GNB4: variants seen among roughly 807,000 people sequenced by gnomAD.
GNB4 encodes G protein subunit beta 4.
In GNB4, 28 loss-of-function variants were observed where a neutral mutation model predicts 45.2. The ratio of observed to expected loss-of-function variants is 0.62; its 90% CI spans 0.46 to 0.85. GNB4 has a LOEUF of 0.85. Among genes scored for constraint, GNB4 ranks in the 40% least tolerant of loss-of-function variants. GNB4 has a pLI of 0.00. For synonymous variants in GNB4, 132 were observed against 143.7 expected, an observed-to-expected ratio of 0.92 and a Z score of 0.58; for missense variants, 321 against 425.4, an observed-to-expected ratio of 0.75 and a Z score of 2.16.
At chr3:179,496,461 C>G in the GNB4 span, among the ~76,000 whole-genome samples, 1 of 151,972 alleles carries the variant, frequency 6.6e-6, no homozygotes, top group East Asian at 1.9e-4. Flanking sequence ...CAGAAGACAA[C>G]AAACAAGACG....
chr3:179,447,392 T>C (rs1715761843), intron 1 of GNB4, among the ~76,000 whole-genome samples: 1 of 149,864 alleles, frequency 6.7e-6, no homozygotes, highest in Non-Finnish European at 1.5e-5. Context: ...AGATGGGGTC[T>C]CACTCTATTG....
At chr3:179,486,561 A>G in the GNB4 span, among the ~76,000 whole-genome samples, 1 of 152,200 alleles carries the variant, frequency 6.6e-6, no homozygotes, top group Non-Finnish European at 1.5e-5. Flanking sequence ...CATCTCTTAT[A>G]GTAAACCAAT....
At chr3:179,446,788 T>C (rs1715743748) in intron 1 of GNB4, among the ~76,000 whole-genome samples, 1 of 152,228 alleles carries the variant, frequency 6.6e-6, no homozygotes, top group African/African-American at 2.4e-5. Context: ...ACACCTTACG[T>C]AGCACTAACG....
At chr3:179,418,240 C>T (rs1013871303) in intron 4 of GNB4, among the ~76,000 whole-genome samples, 4 of 152,040 alleles carry the variant, frequency 2.6e-5, no homozygotes, top group Admixed American at 6.6e-5. Flanking sequence ...GAGGCTGAGG[C>T]GGTTGGATCA....
At chr3:179,477,730 A>G in the GNB4 span, among the ~76,000 whole-genome samples, 1 of 152,204 alleles carries the variant, frequency 6.6e-6, no homozygotes, top group Non-Finnish European at 1.5e-5. Flanking sequence ...AAAAAATGAA[A>G]AAAAAGATTT....
chr3:179,482,421 C>T, the GNB4 span, among the ~76,000 whole-genome samples: 1 of 152,148 alleles, frequency 6.6e-6, no homozygotes, highest in Non-Finnish European at 1.5e-5. Context: ...TTATTATTTT[C>T]ATCTGTGAAC....
upstream of GNB4, among the ~76,000 whole-genome samples, chr3:179,452,124 C>T (rs1269799325): frequency 6.6e-6 from 1 of 152,118 alleles, no homozygotes; most frequent in African/African-American, 2.4e-5. Flanking sequence ...AGTTATTGTT[C>T]CTATTGTCAT....
the GNB4 span, among the ~76,000 whole-genome samples, chr3:179,475,814 A>G: frequency 6.6e-6 from 1 of 152,164 alleles, no homozygotes; most frequent in East Asian, 1.9e-4. Flanking sequence ...GATAATGAAC[A>G]CACTCCTGCA....
chr3:179,464,874 C>G, the GNB4 span: 5 of 1,403,092 alleles, frequency 3.6e-6, no homozygotes, highest in South Asian at 1.2e-5. Flanking sequence ...CCGGCTACCC[C>G]ATGCGGTGTG....
chr3:179,408,530 C>A (rs1457506915), intron 8 of GNB4, among the ~76,000 whole-genome samples: 1 of 152,100 alleles, frequency 6.6e-6, no homozygotes, highest in African/African-American at 2.4e-5. Flanking sequence ...GTGGCTCACG[C>A]CTTTAATCCC....
intron 8 of GNB4, chr3:179,405,911 T>G (rs1367958501): frequency 6.6e-6 from 1 of 152,228 alleles, no homozygotes; most frequent in Non-Finnish European, 1.5e-5. Context: ...TACTCTCAAG[T>G]CAACATTATT....
the GNB4 span, among the ~76,000 whole-genome samples, chr3:179,484,836 ATGTGTGTGTG>A: frequency 6.8e-6 from 1 of 146,994 alleles, no homozygotes; most frequent in Non-Finnish European, 1.5e-5. Flanking sequence ...AGCTATATAT[ATGTGTGTGTG>A]TGTGTGTGTG....
At chr3:179,486,115 C>T in the GNB4 span, among the ~76,000 whole-genome samples, 1 of 148,576 alleles carries the variant, frequency 6.7e-6, no homozygotes, top group African/African-American at 2.5e-5. Context: ...CCCAGCTACT[C>T]GGGAGGCTGA....
the GNB4 span, among the ~76,000 whole-genome samples, chr3:179,526,156 G>A: frequency 2.0e-5 from 3 of 152,312 alleles, no homozygotes; most frequent in South Asian, 2.1e-4. Context: ...GGGCAGGGGC[G>A]GGGGTCACAA....
chr3:179,471,178 CAAA>C, the GNB4 span, among the ~76,000 whole-genome samples: 19,229 of 132,206 alleles, frequency 0.15, 1,504 homozygotes, highest in African/African-American at 0.22. Context: ...GACTCCGTCT[CAAA>C]AAAAAAAAAA....
At position 179,419,410 on chromosome 3, in the gene GNB4, T is replaced by C; in HGVS notation, c.192A>G (p.Gly64=). Residue 64 remains glycine (G), a synonymous_variant, in exon 4 of 10, where the codon GGA becomes GGG. Transcript: ENST00000232564. The part of the protein sequence containing the change: ...HLAKIYAMHW[G]YDSRLLVSAS... ...TGACAGGTACAAACCTGGAATCGTA[T>C]CCCCAATGCATAGCATAGATTTTAG... 6.3e-7 allele frequency: 1 copy of C among 1,597,368 alleles called. No homozygotes were observed. The highest frequency in any genetic ancestry group is 8.6e-7 in the Non-Finnish European group (1 of 1,164,882).
the GNB4 span, among the ~76,000 whole-genome samples, chr3:179,472,537 A>G: frequency 6.6e-6 from 1 of 151,674 alleles, no homozygotes; most frequent in Admixed American, 6.6e-5. Context: ...ATACCTGGCA[A>G]GTTTTTTGTA....
intron 1 of GNB4, among the ~76,000 whole-genome samples, chr3:179,438,078 A>C (rs1682788555): frequency 6.6e-6 from 1 of 151,942 alleles, no homozygotes; most frequent in Non-Finnish European, 1.5e-5. Context: ...TCTCAAAAAA[A>C]AAGAAAAAGA....
the GNB4 span, among the ~76,000 whole-genome samples, chr3:179,458,748 T>C: frequency 1.3e-5 from 2 of 152,208 alleles, no homozygotes; most frequent in Non-Finnish European, 1.5e-5. Flanking sequence ...TTATATTCTT[T>C]TTATTGTTCT....
Sources: gnomAD v4.1 joint callset for allele counts (sites outside exome capture counted in the v4.1 genomes callset) on GRCh38, gnomAD v4.1.1 for gene constraint, MANE v1.5 for transcripts, NCBI Gene and HGNC (gene_info 2026-07-23, HGNC 2026-07-21) for gene names.